The following DLGAP2 variants were observed in gnomAD, a reference collection of about 807,000 sequenced individuals.
The protein encoded by DLGAP2 is DLG associated protein 2, also known as disks large-associated protein 2.
Under a neutral mutation model 100.3 loss-of-function variants are expected in DLGAP2, and 26 were observed. The ratio of observed to expected loss-of-function variants is 0.26; its 90% CI spans 0.19 to 0.36. The LOEUF (loss-of-function observed/expected upper bound fraction) is 0.36. DLGAP2 is among the 10% of genes least tolerant of loss of function. The probability of loss-of-function intolerance (pLI) is 1.00; values close to 1 mark genes in which losing one functional copy is unlikely to be tolerated. For synonymous variants in DLGAP2, 886 were observed against 630.1 expected, an observed-to-expected ratio of 1.41 and a Z score of -6.08; for missense variants, 1,858 against 1,453.2, an observed-to-expected ratio of 1.28 and a Z score of -4.53.
intron 2 of DLGAP2, among the ~76,000 whole-genome samples, chr8:1,190,002 C>T (rs1403316856): frequency 2.0e-5 from 3 of 152,148 alleles, no homozygotes; most frequent in South Asian, 2.1e-4. Context: ...GGAGAACCCC[C>T]GTTTTCTGGA....
intron 1 of DLGAP2, among the ~76,000 whole-genome samples, chr8:838,796 C>T (rs186982836): frequency 2.6e-5 from 4 of 152,224 alleles, no homozygotes; most frequent in East Asian, 1.9e-4. Context: ...TCATGGCTGA[C>T]GGCAGAAAGA....
intron 3 of DLGAP2, among the ~76,000 whole-genome samples, chr8:1,364,704 G>C (rs546684200): frequency 3.9e-4 from 59 of 152,374 alleles, no homozygotes; most frequent in African/African-American, 1.4e-3. Context: ...TCCAATTAAA[G>C]CTTGCGTGGG....
chr8:1,506,428 T>C (rs2404617), intron 4 of DLGAP2, among the ~76,000 whole-genome samples: 112,286 of 152,110 alleles, frequency 0.74, 41,776 homozygotes, highest in Middle Eastern at 0.81. Context: ...CAGACGTTTT[T>C]GGAGTTTCTT....
At chr8:1,183,578 C>T (rs1379184700) in intron 2 of DLGAP2, among the ~76,000 whole-genome samples, 3 of 152,226 alleles carry the variant, frequency 2.0e-5, no homozygotes, top group African/African-American at 7.2e-5. Context: ...CACCATGTTG[C>T]ACATGCTGCC....
rs1335318038 is a variant in DLGAP2, at chr8:824,019, TTTCTTCTTCTTTTTTTTC to T, written c.19-83884_19-83867del. 1.4e-3 allele frequency among the ~76,000 whole-genome samples: 13 copies of T among 9,244 alleles called. No homozygotes were observed. In the East Asian group the frequency reaches 0.24, roughly 167 times the overall value. 6.1% of individuals were successfully genotyped at this position (9,244 alleles called of 152,430 possible). On this transcript the variant is annotated intron_variant, in intron 1 of 14. Coordinates refer to ENST00000637795, the MANE Select transcript of DLGAP2 (RefSeq NM_001346810.2). ...ACTCCGAAAGGATCCTGGGACAACA[TTTCTTCTTCTTTTTTTTC>T]TTCTTCTTTTTTTTCTTCTTCTTCC... is the stretch of plus-strand genomic sequence containing the variant.
chr8:1,505,994 C>T (rs1429783552), intron 4 of DLGAP2, among the ~76,000 whole-genome samples: 1 of 152,156 alleles, frequency 6.6e-6, no homozygotes, highest in Non-Finnish European at 1.5e-5. Flanking sequence ...ATATATGCAG[C>T]ACAACACTGA....
chr8:1,456,885 C>T (rs1353204179), intron 3 of DLGAP2, among the ~76,000 whole-genome samples: 1 of 152,270 alleles, frequency 6.6e-6, no homozygotes, highest in Non-Finnish European at 1.5e-5. Context: ...CCAGGGAGCT[C>T]TGTGATGCCG....
intron 3 of DLGAP2, among the ~76,000 whole-genome samples, chr8:1,314,409 C>G (rs752618920): frequency 2.6e-5 from 4 of 152,174 alleles, no homozygotes; most frequent in Non-Finnish European, 5.9e-5. Flanking sequence ...TTAAAGGGCA[C>G]ACAATATTTT....
chr8:1,548,550 G>C, intron 4 of DLGAP2, 76 bp from the exon 5 acceptor site: 11 of 1,308,812 alleles, frequency 8.4e-6, no homozygotes, highest in Non-Finnish European at 1.1e-5. Context: ...GTCCACGGTG[G>C]GGGTCACATA....
intron 3 of DLGAP2, among the ~76,000 whole-genome samples, chr8:1,458,014 A>ATATATATATT (rs1491407935): frequency 8.8e-6 from 1 of 113,652 alleles, no homozygotes; most frequent in Non-Finnish European, 1.8e-5. Context: ...ATATATATAT[A>ATATATATATT]ATTTTTTATA....
At chr8:1,447,448 G>T (rs1798012619) in intron 3 of DLGAP2, among the ~76,000 whole-genome samples, 1 of 152,186 alleles carries the variant, frequency 6.6e-6, no homozygotes, top group Non-Finnish European at 1.5e-5. Flanking sequence ...ACTTGATCAT[G>T]GTGGATAAGC....
chr8:1,417,918 T>C (rs1796976545), intron 3 of DLGAP2, among the ~76,000 whole-genome samples: 1 of 152,068 alleles, frequency 6.6e-6, no homozygotes, highest in African/African-American at 2.4e-5. Flanking sequence ...TGATAAAATA[T>C]TACATTTTCA....
intron 3 of DLGAP2, among the ~76,000 whole-genome samples, chr8:1,479,149 G>T (rs1043806803): frequency 1.3e-5 from 2 of 152,288 alleles, no homozygotes; most frequent in Admixed American, 1.3e-4. Context: ...CAGCAGGCCA[G>T]TGTTTCTTCA....
intron 2 of DLGAP2, among the ~76,000 whole-genome samples, chr8:1,059,104 C>G (rs1376101207): frequency 6.6e-6 from 1 of 152,184 alleles, no homozygotes; most frequent in Non-Finnish European, 1.5e-5. Context: ...TCGCCCATCT[C>G]TCTGTGTCCA....
intron 8 of DLGAP2, among the ~76,000 whole-genome samples, chr8:1,651,541 C>T (rs73545306): frequency 6.6e-6 from 1 of 152,176 alleles, no homozygotes; most frequent in Non-Finnish European, 1.5e-5. Context: ...GGGCATAGCT[C>T]CAGCACATGG....
chr8:1,431,898 G>C (rs7839865), intron 3 of DLGAP2, among the ~76,000 whole-genome samples: 1 of 144,988 alleles, frequency 6.9e-6, no homozygotes, highest in Non-Finnish European at 1.5e-5. Context: ...GCACCGCTAC[G>C]GCTGCCATCC....
chr8:1,594,942 C>T (rs1490553704), intron 6 of DLGAP2, among the ~76,000 whole-genome samples: 2 of 152,214 alleles, frequency 1.3e-5, no homozygotes, highest in Admixed American at 6.5e-5. Flanking sequence ...CAGCTGTCAG[C>T]AGGACCATCG....
intron 2 of DLGAP2, among the ~76,000 whole-genome samples, chr8:1,079,758 G>A (rs766521079): frequency 2.0e-5 from 3 of 152,164 alleles, no homozygotes; most frequent in Non-Finnish European, 2.9e-5. Flanking sequence ...ATCCAAGGCC[G>A]ATGAGAAGTG....
In DLGAP2 at chr8:1,632,865, G is replaced by C; in HGVS notation, c.1629G>C (p.Val543=). The C allele has an allele frequency of 6.2e-7, 1 of 1,613,794 alleles. No individual in the cohort carries two copies. Among genetic ancestry groups the C allele is most frequent in the Non-Finnish European group, 8.5e-7 (1 of 1,179,754 alleles). The part of the protein sequence containing the change: ...EAEINGQFES[V]CESVFSEVES... ...AGATCAATGGGCAATTCGAGTCCGT[G>C]TGCGAGTCCGTCTTCAGTGAAGTTG... The change falls in exon 8 of 15, where the codon GTG becomes GTC. Residue 543 remains valine, a synonymous_variant. Transcript: ENST00000637795.
Sources: allele counts gnomAD v4.1 joint callset (sites outside exome capture counted in the v4.1 genomes callset), GRCh38; gene constraint gnomAD v4.1.1; transcripts MANE v1.5; gene names NCBI Gene and HGNC (gene_info 2026-07-23, HGNC 2026-07-21).